Variants in PIGU observed in about 807,000 individuals in gnomAD.
PIGU encodes GPI-anchor transamidase component PIGU.
In PIGU, 24 loss-of-function variants were observed where a neutral mutation model predicts 49.9. That is an observed-to-expected ratio of 0.48 (90% CI 0.35 to 0.68). The LOEUF is 0.68. Ranked by LOEUF, PIGU falls within the 30% of genes least tolerant of loss-of-function variation. PIGU has a pLI of 0.01. For synonymous variants in PIGU, 220 were observed against 205.7 expected (o/e 1.07, Z -0.59); for missense variants, 490 against 532.6 (o/e 0.92, Z 0.79).
chr20:34,637,942 G>A lies in PIGU; in HGVS notation c.362C>T (p.Pro121Leu). 1 of 1,604,584 alleles carries A rather than the reference G, an allele frequency of 6.2e-7. No homozygotes were observed. Among genetic ancestry groups the A allele is most frequent in the Non-Finnish European group, 8.5e-7 (1 of 1,176,712 alleles). Reference protein sequence around the residue: ...KLLLELDQYAPDVAELIRTPM... With the variant: ...KLLLELDQYALDVAELIRTPM... ...GGTCCGGATGAGTTCGGCCACATCT[G>A]GGGCATACTGGTCCAGTTCTAGGAG... Residue 121 changes from proline to leucine, a missense_variant, in exon 5 of 12, where the codon CCA becomes CTA. Pro to Leu is a moderately conservative substitution (Grantham distance 98). Coordinates refer to ENST00000217446, the MANE Select transcript of PIGU (RefSeq NM_080476.5).
intron 6 of PIGU, among the ~76,000 whole-genome samples, chr20:34,627,242 C>T (rs1985525624): frequency 6.6e-6 from 1 of 152,064 alleles, no homozygotes; most frequent in Admixed American, 6.6e-5. Flanking sequence ...ACTTCCTTTC[C>T]AATTTATAGG....
At chr20:34,589,088 AAAT>A (rs1022464773) in intron 7 of PIGU, among the ~76,000 whole-genome samples, 4 of 148,760 alleles carry the variant, frequency 2.7e-5, no homozygotes, top group Admixed American at 6.8e-5. Context: ...AGATTATACC[AAAT>A]AATACTATTA....
intron 10 of PIGU, 23 bp from the exon 11 acceptor site, chr20:34,575,269 T>C: frequency 6.2e-7 from 1 of 1,610,866 alleles, no homozygotes; most frequent in Non-Finnish European, 8.5e-7. Flanking sequence ...AGGGTTACAG[T>C]TAGCCTGACA....
intron 7 of PIGU, among the ~76,000 whole-genome samples, chr20:34,610,874 C>G (rs574872072): frequency 2.6e-5 from 4 of 152,274 alleles, no homozygotes; most frequent in African/African-American, 9.6e-5. Flanking sequence ...ACCAATGGAA[C>G]AGAACAGAGG....
chr20:34,561,115 T>TCCTCAGGGCCCCCA, intron 11 of PIGU, 136 bp from the exon 12 acceptor site: 1 of 628,856 alleles, frequency 1.6e-6, no homozygotes, highest in Non-Finnish European at 2.7e-6. Context: ...GGAGAGGCCC[T>TCCTCAGGGCCCCCA]CCTCAGGGCC....
chr20:34,670,782 G>C (rs1466209390), intron 1 of PIGU, among the ~76,000 whole-genome samples: 1 of 151,414 alleles, frequency 6.6e-6, no homozygotes, highest in Non-Finnish European at 1.5e-5. Flanking sequence ...AAGCTCAAGT[G>C]ATCTGCCCAC....
rs1274512182 is a variant in PIGU, at chr20:34,676,882, C to T, written c.130+74G>A. ...AGGAACCGCGCGCTGGCGGTCACTGCCCCCGCCTCCCATTCACAGAGGCCG... is the reference window on the plus strand; with the variant it reads ...AGGAACCGCGCGCTGGCGGTCACTGTCCCCGCCTCCCATTCACAGAGGCCG... On this transcript the variant is annotated intron_variant, in intron 1 of 11. Coordinates refer to ENST00000217446, the MANE Select transcript of PIGU (RefSeq NM_080476.5). The T allele has an allele frequency of 4.5e-6, 7 of 1,541,668 alleles. No individual in the cohort carries two copies. In the Admixed American group the frequency reaches 1.2e-4, roughly 26 times the overall value.
chr20:34,670,883 A>T (rs1268924920), intron 1 of PIGU, among the ~76,000 whole-genome samples: 2 of 152,146 alleles, frequency 1.3e-5, no homozygotes, highest in Admixed American at 6.6e-5. Flanking sequence ...GGGTTTCTAG[A>T]TAAGTACTAA....
At chr20:34,562,849 C>A (rs537792922) in intron 11 of PIGU, among the ~76,000 whole-genome samples, 1 of 152,324 alleles carries the variant, frequency 6.6e-6, no homozygotes, top group East Asian at 1.9e-4. Context: ...TGACCTCATA[C>A]CCTGCAGCCC....
intron 1 of PIGU, among the ~76,000 whole-genome samples, chr20:34,668,778 AAT>A: frequency 1.3e-5 from 2 of 151,430 alleles, no homozygotes; most frequent in African/African-American, 4.8e-5. Flanking sequence ...CAAAAAAATA[AAT>A]AAATAAATAA....
intron 2 of PIGU, among the ~76,000 whole-genome samples, chr20:34,646,845 C>CAGA (rs1469278358): frequency 6.6e-6 from 1 of 151,074 alleles, no homozygotes; most frequent in Non-Finnish European, 1.5e-5. Context: ...TTTTTTGAGA[C>CAGA]AGACTCTCGC....
At chr20:34,659,551 T>C (rs189143949) in intron 1 of PIGU, among the ~76,000 whole-genome samples, 5 of 152,154 alleles carry the variant, frequency 3.3e-5, no homozygotes, top group African/African-American at 1.2e-4. Flanking sequence ...CTTGGAGGTG[T>C]ACCCAACAGC....
At chr20:34,671,009 C>T (rs1192275732) in intron 1 of PIGU, among the ~76,000 whole-genome samples, 1 of 152,164 alleles carries the variant, frequency 6.6e-6, no homozygotes, top group African/African-American at 2.4e-5. Flanking sequence ...TTATTCCTGA[C>T]AGATATCTAA....
intron 7 of PIGU, among the ~76,000 whole-genome samples, chr20:34,611,679 A>C (rs535207324): frequency 1.3e-4 from 19 of 151,292 alleles, no homozygotes; most frequent in South Asian, 8.3e-4. Context: ...AAAAAAAAAA[A>C]AACCAAACAT....
Position 34,561,092 on chromosome 20 carries a change from G to C in PIGU, c.1195-113C>G. 5.6e-6 allele frequency: 4 copies of C among 716,270 alleles called. No individual in the cohort carries two copies. In the East Asian group the frequency reaches 1.2e-4, roughly 21 times the overall value. 44.4% of individuals were successfully genotyped at this position (716,270 alleles called of 1,614,324 possible). The stretch of plus-strand genomic sequence containing the variant: ...ACAGGAACGCCCCTGCCTGGCTCTG[G>C]ATCACAATCACTGGAGAGGCCCTCC... On this transcript the variant is annotated intron_variant, in intron 11 of 11. Coordinates refer to ENST00000217446, the MANE Select transcript of PIGU (RefSeq NM_080476.5).
Position 34,649,848 on chromosome 20 carries a change from C to CT in PIGU, c.196-4515dup, listed in dbSNP as rs1243838081. Among the ~76,000 whole-genome samples, 971 of 105,678 alleles carry CT rather than the reference C, an allele frequency of 9.2e-3. 15 individuals are homozygous for CT. The highest frequency in any genetic ancestry group is 0.016 in the Admixed American group (152 of 9,762). 69.3% of individuals were successfully genotyped at this position (105,678 alleles called of 152,430 possible). A position where few individuals can be genotyped will look rare whatever the true frequency, so the allele number is the denominator to read the frequency against. ...CTGTGCCCGGTCCATCTATTACATT[C>CT]TTTTTTTTTTTTTTTTTTGAGACGG... is the stretch of plus-strand genomic sequence containing the variant. On this transcript the variant is annotated intron_variant, in intron 2 of 11. Transcript: ENST00000217446.
intron 11 of PIGU, among the ~76,000 whole-genome samples, chr20:34,574,364 G>A (rs543018447): frequency 2.0e-4 from 30 of 152,362 alleles, no homozygotes; most frequent in Admixed American, 1.4e-3. Flanking sequence ...ATGTACTTGG[G>A]ACGGCTGCAA....
intron 1 of PIGU, among the ~76,000 whole-genome samples, chr20:34,676,054 T>G (rs1987489349): frequency 6.6e-6 from 1 of 151,912 alleles, no homozygotes; most frequent in Non-Finnish European, 1.5e-5. Context: ...TTGTTTGTTT[T>G]TTTTTAATCA....
At chr20:34,663,102 G>T (rs1250016061) in intron 1 of PIGU, among the ~76,000 whole-genome samples, 1 of 151,974 alleles carries the variant, frequency 6.6e-6, no homozygotes, top group Non-Finnish European at 1.5e-5. Flanking sequence ...ACAGTGTCTT[G>T]CCATGTTGCG....
Sources: allele counts gnomAD v4.1 joint callset (sites outside exome capture counted in the v4.1 genomes callset), GRCh38; gene constraint gnomAD v4.1.1; transcripts MANE v1.5; gene names NCBI Gene and HGNC (gene_info 2026-07-23, HGNC 2026-07-21).